The following SCRG1 variants were observed in gnomAD, a reference collection of about 807,000 sequenced individuals.
SCRG1 encodes scrapie-responsive protein 1.
In SCRG1, 3 loss-of-function variants were observed where a neutral mutation model predicts 7.7. That is an observed-to-expected ratio of 0.39 (90% confidence interval 0.18 to 1.01). SCRG1 has a LOEUF of 1.01. SCRG1 is among the 50% of genes least tolerant of loss of function. The pLI, the probability that SCRG1 is intolerant of heterozygous loss-of-function variation, is 0.36. For missense variants in SCRG1, 110 were observed against 117.2 expected (o/e 0.94, Z 0.28); for synonymous variants, 46 against 41.2 (o/e 1.12, Z -0.44).
At chr4:173,514,818 C>A in the SCRG1 span, among the ~76,000 whole-genome samples, 1 of 152,182 alleles carries the variant, frequency 6.6e-6, no homozygotes, top group Admixed American at 6.5e-5. Flanking sequence ...AGCTAATAAA[C>A]AACTTAAGCC....
At chr4:173,472,692 A>AG in the SCRG1 span, among the ~76,000 whole-genome samples, 147,818 of 152,286 alleles carry the variant, frequency 0.97, 71,933 homozygotes, top group Non-Finnish European at 1. Flanking sequence ...TACTTGAGGG[A>AG]GGTTTGGGTC....
At chr4:173,494,947 G>A in the SCRG1 span, among the ~76,000 whole-genome samples, 1 of 152,180 alleles carries the variant, frequency 6.6e-6, no homozygotes, top group African/African-American at 2.4e-5. Context: ...CGGCTGAGAG[G>A]AAAGAAAAAG....
chr4:173,405,084 T>C (rs1739866455), intron 1 of SCRG1, among the ~76,000 whole-genome samples: 1 of 152,164 alleles, frequency 6.6e-6, no homozygotes, highest in Non-Finnish European at 1.5e-5. Context: ...TTTTACCTTT[T>C]CTGTTGCGGG....
chr4:173,461,325 C>T, the SCRG1 span, among the ~76,000 whole-genome samples: 1 of 152,198 alleles, frequency 6.6e-6, no homozygotes, highest in African/African-American at 2.4e-5. Context: ...CACAGGGGTA[C>T]TCGTGTTACT....
the SCRG1 span, among the ~76,000 whole-genome samples, chr4:173,463,195 T>C: frequency 6.6e-6 from 1 of 152,240 alleles, no homozygotes; most frequent in Non-Finnish European, 1.5e-5. Flanking sequence ...GGTGTAGGAA[T>C]AAGGTTGAAG....
chr4:173,388,110 C>T lies in SCRG1; in HGVS notation c.*231G>A, dbSNP rs1739293255. 2 of 448,382 alleles carry T rather than the reference C, an allele frequency of 4.5e-6. No homozygotes were observed. Among genetic ancestry groups the T allele is most frequent in the Non-Finnish European group, 7.8e-6 (2 of 256,866 alleles). The allele number at this position is 448,382 out of a possible 1,614,324, so 27.8% of individuals were successfully genotyped here. A position where few individuals can be genotyped will look rare whatever the true frequency, so the allele number is the denominator to read the frequency against. On this transcript the variant is annotated 3_prime_UTR_variant, in exon 3 of 3. Coordinates refer to ENST00000296506, the MANE Select transcript of SCRG1 (RefSeq NM_007281.4). ...AGTATAATGAACACCTCATAGATTA[C>T]ATTTTCTAGGCAAAATTTTTAACCA...
the SCRG1 span, among the ~76,000 whole-genome samples, chr4:173,472,467 G>T: frequency 1.3e-5 from 2 of 152,206 alleles, no homozygotes; most frequent in Admixed American, 1.3e-4. Context: ...GAAGTCCCCA[G>T]ATCTGCAGTC....
At chr4:173,484,833 GTACAA>G in the SCRG1 span, among the ~76,000 whole-genome samples, 372 of 64,136 alleles carry the variant, frequency 5.8e-3, 5 homozygotes, top group African/African-American at 0.023. Context: ...TATATTATAT[GTACAA>G]TATATTATAT....
the SCRG1 span, among the ~76,000 whole-genome samples, chr4:173,500,783 A>G: frequency 6.7e-6 from 1 of 150,060 alleles, no homozygotes. Flanking sequence ...AAATTTATAA[A>G]TTTATACAGG....
chr4:173,482,711 G>T, the SCRG1 span, among the ~76,000 whole-genome samples: 1 of 151,412 alleles, frequency 6.6e-6, no homozygotes, highest in Non-Finnish European at 1.5e-5. Context: ...CTAGCTACTT[G>T]GGAGGCTGAG....
chr4:173,390,912 GT>G (rs1355774302), intron 2 of SCRG1, among the ~76,000 whole-genome samples: 1 of 152,128 alleles, frequency 6.6e-6, no homozygotes, highest in Admixed American at 6.5e-5. Flanking sequence ...CAGATGGTGA[GT>G]TTAGAATTTA....
At chr4:173,437,962 T>C in the SCRG1 span, among the ~76,000 whole-genome samples, 1 of 152,184 alleles carries the variant, frequency 6.6e-6, no homozygotes, top group Non-Finnish European at 1.5e-5. Flanking sequence ...TACCACATCA[T>C]TCCAAGAAAC....
chr4:173,514,565 T>C, the SCRG1 span, among the ~76,000 whole-genome samples: 6 of 152,316 alleles, frequency 3.9e-5, no homozygotes, highest in East Asian at 1.2e-3. Context: ...GGAGTAATGA[T>C]GTAAACTCTT....
At chr4:173,494,417 G>A in the SCRG1 span, among the ~76,000 whole-genome samples, 428 of 152,298 alleles carry the variant, frequency 2.8e-3, 2 homozygotes, top group African/African-American at 9.7e-3. Context: ...GACAGGTGCG[G>A]AAGAAGAAAA....
At chr4:173,436,721 T>C in the SCRG1 span, among the ~76,000 whole-genome samples, 1 of 152,152 alleles carries the variant, frequency 6.6e-6, no homozygotes, top group Non-Finnish European at 1.5e-5. Context: ...ACAAATCATT[T>C]GTGTGTGTTG....
the SCRG1 span, among the ~76,000 whole-genome samples, chr4:173,494,020 A>G: frequency 6.6e-6 from 1 of 152,192 alleles, no homozygotes; most frequent in African/African-American, 2.4e-5. Context: ...CGTGCCTTCT[A>G]GAATAGATTC....
At chr4:173,415,139 C>G in the SCRG1 span, among the ~76,000 whole-genome samples, 1 of 152,164 alleles carries the variant, frequency 6.6e-6, no homozygotes, top group Non-Finnish European at 1.5e-5. Flanking sequence ...ATAAAGATGA[C>G]TAGTGTGAAT....
the SCRG1 span, among the ~76,000 whole-genome samples, chr4:173,501,299 G>A: frequency 4.5e-3 from 688 of 152,306 alleles, 4 homozygotes; most frequent in African/African-American, 0.016. This position sits in a 1 kb window ranked among gnomAD's most constrained non-coding sequence, Gnocchi z 5.1. Context: ...GTCGGGATTG[G>A]CTACACCAGG....
the SCRG1 span, chr4:173,468,253 C>T: frequency 6.6e-6 from 1 of 152,366 alleles, no homozygotes; most frequent in Non-Finnish European, 1.5e-5. Context: ...GTACTCAGTG[C>T]AGTAACATGC....
Sources: gnomAD v4.1 joint callset for allele counts (sites outside exome capture counted in the v4.1 genomes callset) on GRCh38, gnomAD v4.1.1 for gene constraint, Gnocchi (gnomAD v3.1) non-coding constraint, MANE v1.5 for transcripts, NCBI Gene and HGNC (gene_info 2026-07-23, HGNC 2026-07-21) for gene names.